Variants in CDC73 observed in about 807,000 individuals in gnomAD.
CDC73 encodes cell division cycle 73.
Under a neutral mutation model 83.7 loss-of-function variants are expected in CDC73, and 21 were observed. The observed-to-expected ratio is 0.25, with a 90% CI of 0.18 to 0.36. The LOEUF is 0.36. Ranked by LOEUF, CDC73 falls within the 10% of genes least tolerant of loss-of-function variation. CDC73 has a pLI of 1.00. For missense variants in CDC73, 342 were observed against 653.3 expected (o/e 0.52, Z 5.19); for synonymous variants, 224 against 212.9 (o/e 1.05, Z -0.45).
chr1:193,195,677 T>G (rs1261816373), intron 10 of CDC73, among the ~76,000 whole-genome samples: 1 of 152,066 alleles, frequency 6.6e-6, no homozygotes, highest in African/African-American at 2.4e-5. Context: ...TCTTATTTTG[T>G]TACTGGATTT....
At chr1:193,182,362 T>G (rs866870534) in intron 10 of CDC73, among the ~76,000 whole-genome samples, 1 of 152,170 alleles carries the variant, frequency 6.6e-6, no homozygotes, top group Admixed American at 6.6e-5. Context: ...TATGAAGTAT[T>G]CATGATATAA....
chr1:193,155,609 C>G (rs570200293), intron 10 of CDC73, among the ~76,000 whole-genome samples: 3 of 152,240 alleles, frequency 2.0e-5, no homozygotes, highest in Admixed American at 2.0e-4. Context: ...AAAACCCCAT[C>G]TACTAAAAAT....
chr1:193,174,476 A>G (rs1286266616), intron 10 of CDC73, among the ~76,000 whole-genome samples: 1 of 152,172 alleles, frequency 6.6e-6, no homozygotes, highest in African/African-American at 2.4e-5. Context: ...GTATTTTCAA[A>G]TGAATCTGAA....
At chr1:193,226,407 C>A (rs78786305) in intron 13 of CDC73, among the ~76,000 whole-genome samples, 6,295 of 152,150 alleles carry the variant, frequency 0.041, 408 homozygotes, top group African/African-American at 0.14. Context: ...AGTTTTCAGA[C>A]AGAACGCTTT....
chr1:193,245,098 A>G (rs1190128625), intron 15 of CDC73, among the ~76,000 whole-genome samples: 2 of 152,250 alleles, frequency 1.3e-5, no homozygotes, highest in African/African-American at 4.8e-5. Flanking sequence ...TCAGGTTATC[A>G]TAATTAGCAT....
intron 10 of CDC73, among the ~76,000 whole-genome samples, chr1:193,173,736 AAG>A (rs1353309330): frequency 2.6e-5 from 4 of 152,220 alleles, no homozygotes; most frequent in African/African-American, 9.6e-5. Flanking sequence ...TAAGGCATAA[AAG>A]AAAATACATA....
At chr1:193,180,726 A>G (rs1676700250) in intron 10 of CDC73, 2 of 1,614,128 alleles carry the variant, frequency 1.2e-6, no homozygotes, top group Admixed American at 1.7e-5. Context: ...TTAGGTAACC[A>G]GTGAAATAGT....
intron 13 of CDC73, among the ~76,000 whole-genome samples, chr1:193,218,971 C>A (rs1464339485): frequency 6.6e-6 from 1 of 152,158 alleles, no homozygotes; most frequent in East Asian, 1.9e-4. Flanking sequence ...AAACAGACAA[C>A]ATACAGAATG....
chr1:193,164,324 T>G (rs980550259), intron 10 of CDC73, among the ~76,000 whole-genome samples: 13 of 152,216 alleles, frequency 8.5e-5, no homozygotes, highest in African/African-American at 3.1e-4. Flanking sequence ...AATCCTGAGT[T>G]GTCTCATAGG....
At chr1:193,230,457 A>AAT (rs1677642726) in intron 13 of CDC73, among the ~76,000 whole-genome samples, 1 of 90,718 alleles carries the variant, frequency 1.1e-5, no homozygotes, top group Non-Finnish European at 2.0e-5. Context: ...CTAATCCCGT[A>AAT]TTTTTTTTTT....
At chr1:193,208,390 A>C (rs1297296105) in intron 11 of CDC73, among the ~76,000 whole-genome samples, 2 of 152,198 alleles carry the variant, frequency 1.3e-5, no homozygotes, top group African/African-American at 2.4e-5. Flanking sequence ...AGGGTAAAAT[A>C]GTGTCATAGC....
intron 10 of CDC73, among the ~76,000 whole-genome samples, chr1:193,192,928 T>A (rs1676943411): frequency 6.6e-6 from 1 of 152,258 alleles, no homozygotes; most frequent in African/African-American, 2.4e-5. Flanking sequence ...ACATTCCTTT[T>A]TACCTACTCT....
chr1:193,243,209 G>T (rs1379926266), intron 15 of CDC73, among the ~76,000 whole-genome samples: 2 of 151,940 alleles, frequency 1.3e-5, no homozygotes, highest in African/African-American at 4.8e-5. Context: ...CAAAGTGCTG[G>T]GATTACAGGC....
At chr1:193,122,480 T>C in intron 1 of CDC73, 149 bp downstream of exon 1, 1 of 1,061,340 alleles carries the variant, frequency 9.4e-7, no homozygotes, top group South Asian at 1.4e-5. Flanking sequence ...AGAGCAGAAG[T>C]TGCACTTTTA....
chr1:193,172,837 A>G (rs1195006552), intron 10 of CDC73, among the ~76,000 whole-genome samples: 2 of 152,342 alleles, frequency 1.3e-5, no homozygotes, highest in Non-Finnish European at 2.9e-5. Context: ...CCATTGCTGT[A>G]TCTAATACCA....
At chr1:193,249,914 A>G (rs772380746) in intron 16 of CDC73, 43 bp downstream of exon 16, 1 of 1,597,664 alleles carries the variant, frequency 6.3e-7, no homozygotes, top group Non-Finnish European at 8.6e-7. Flanking sequence ...TTTTATTGTA[A>G]TTTTTCTGTC....
intron 10 of CDC73, among the ~76,000 whole-genome samples, chr1:193,153,836 T>C (rs1269036866): frequency 6.6e-6 from 1 of 152,172 alleles, no homozygotes; most frequent in East Asian, 1.9e-4. Context: ...GAGCCTTGTT[T>C]AGAGAGAGAA....
At chr1:193,175,932 C>G (rs1158657574) in intron 10 of CDC73, among the ~76,000 whole-genome samples, 1 of 152,108 alleles carries the variant, frequency 6.6e-6, no homozygotes, top group East Asian at 1.9e-4. Flanking sequence ...TTAGCTTTCT[C>G]TCTGAAGTAT....
chr1:193,174,153 G>A (rs763932034), intron 10 of CDC73, among the ~76,000 whole-genome samples: 22 of 151,678 alleles, frequency 1.5e-4, no homozygotes, highest in Non-Finnish European at 2.5e-4. Context: ...AAGTCTTCTC[G>A]GTGGCTTTTT....
Sources: gnomAD v4.1 joint callset for allele counts (sites outside exome capture counted in the v4.1 genomes callset) on GRCh38, gnomAD v4.1.1 for gene constraint, MANE v1.5 for transcripts, NCBI Gene and HGNC (gene_info 2026-07-23, HGNC 2026-07-21) for gene names.